ARHGAP15: variants seen among roughly 807,000 people sequenced by gnomAD.
ARHGAP15 encodes the protein Rho GTPase activating protein 15.
Under a neutral mutation model 63.7 loss-of-function variants are expected in ARHGAP15, and 51 were observed. The observed-to-expected ratio is 0.80, with a 90% CI of 0.64 to 1.01. ARHGAP15 has a LOEUF of 1.01. Among genes scored for constraint, ARHGAP15 ranks in the 50% least tolerant of loss-of-function variants. The pLI is 0.00. For synonymous variants in ARHGAP15, 191 were observed against 193.8 expected (o/e 0.99, Z 0.12); for missense variants, 560 against 564.6 (o/e 0.99, Z 0.08).
intron 11 of ARHGAP15, among the ~76,000 whole-genome samples, chr2:143,618,337 C>T (rs1379121197): frequency 6.6e-6 from 1 of 152,190 alleles, no homozygotes; most frequent in Non-Finnish European, 1.5e-5. Flanking sequence ...TGTTTTGGAT[C>T]GATCATCCCT....
At chr2:143,308,394 G>A (rs1683275292) in intron 6 of ARHGAP15, among the ~76,000 whole-genome samples, 1 of 151,784 alleles carries the variant, frequency 6.6e-6, no homozygotes, top group Non-Finnish European at 1.5e-5. Flanking sequence ...GATAATATTA[G>A]GCAAGTGACT....
At chr2:143,265,351 T>G (rs903926664) in intron 6 of ARHGAP15, among the ~76,000 whole-genome samples, 1 of 152,132 alleles carries the variant, frequency 6.6e-6, no homozygotes, top group South Asian at 2.1e-4. Context: ...AGAGCTACAG[T>G]TGGAAAATCT....
At chr2:143,588,400 C>T (rs1697192909) in intron 11 of ARHGAP15, among the ~76,000 whole-genome samples, 1 of 152,034 alleles carries the variant, frequency 6.6e-6, no homozygotes. Flanking sequence ...GAGACATGTG[C>T]AGAACGTGAG....
intron 1 of ARHGAP15, among the ~76,000 whole-genome samples, chr2:143,149,334 T>C (rs1008159535): frequency 1.3e-5 from 2 of 152,002 alleles, no homozygotes; most frequent in African/African-American, 4.8e-5. Context: ...CTAACACTCA[T>C]GAAATGGGAA....
At chr2:143,548,815 C>CT (rs1559044428) in intron 10 of ARHGAP15, among the ~76,000 whole-genome samples, 1 of 136,172 alleles carries the variant, frequency 7.3e-6, no homozygotes, top group East Asian at 2.2e-4. Context: ...GTCTATGAAG[C>CT]AAGCATTTCA....
At chr2:143,673,722 T>TTGTGTGTGTGTG (rs70982878) in intron 12 of ARHGAP15, among the ~76,000 whole-genome samples, 33 of 54,660 alleles carry the variant, frequency 6.0e-4, no homozygotes, top group East Asian at 1.6e-3. Flanking sequence ...AGGCCTTATA[T>TTGTGTGTGTGTG]TGTGTGTGTG....
At chr2:143,455,323 A>T (rs540777068) in intron 8 of ARHGAP15, among the ~76,000 whole-genome samples, 5 of 152,090 alleles carry the variant, frequency 3.3e-5, no homozygotes, top group Non-Finnish European at 7.4e-5. Context: ...AAGGAGCAGT[A>T]AGGACGACCA....
At chr2:143,627,543 T>G (rs1204350235) in intron 12 of ARHGAP15, among the ~76,000 whole-genome samples, 1 of 152,142 alleles carries the variant, frequency 6.6e-6, no homozygotes, top group Non-Finnish European at 1.5e-5. Flanking sequence ...TTTCAAAATT[T>G]TAAGAACATT....
At chr2:143,322,661 A>C (rs190321951) in intron 6 of ARHGAP15, among the ~76,000 whole-genome samples, 139 of 152,348 alleles carry the variant, frequency 9.1e-4, no homozygotes, top group African/African-American at 3.3e-3. Context: ...GGAAAAACCA[A>C]AAGTCAGCAT....
intron 6 of ARHGAP15, among the ~76,000 whole-genome samples, chr2:143,305,648 T>C (rs1683131768): frequency 6.6e-6 from 1 of 152,056 alleles, no homozygotes; most frequent in Non-Finnish European, 1.5e-5. Flanking sequence ...AAAAATTAAA[T>C]ATAATAGTGG....
intron 5 of ARHGAP15, among the ~76,000 whole-genome samples, chr2:143,240,189 C>T (rs923568521): frequency 6.7e-6 from 1 of 149,876 alleles, no homozygotes; most frequent in Non-Finnish European, 1.5e-5. Context: ...AAAAATAAAA[C>T]AAAATAAAAT....
chr2:143,731,277 C>T (rs1283800703), intron 13 of ARHGAP15, among the ~76,000 whole-genome samples: 3 of 152,104 alleles, frequency 2.0e-5, no homozygotes, highest in East Asian at 3.9e-4. Context: ...TATTCTAGGT[C>T]GTTAAATACA....
chr2:143,370,340 G>C (rs1006466265), intron 6 of ARHGAP15, among the ~76,000 whole-genome samples: 2 of 151,406 alleles, frequency 1.3e-5, no homozygotes, highest in Non-Finnish European at 2.9e-5. Flanking sequence ...ACACTCTGGG[G>C]ACTGTTGTGG....
intron 1 of ARHGAP15, among the ~76,000 whole-genome samples, chr2:143,154,782 T>A (rs1388962103): frequency 6.6e-6 from 1 of 151,956 alleles, no homozygotes; most frequent in Non-Finnish European, 1.5e-5. Flanking sequence ...TTTTTCTCAT[T>A]GCTGCTCCTT....
intron 12 of ARHGAP15, among the ~76,000 whole-genome samples, chr2:143,654,960 G>T (rs1464737487): frequency 6.6e-6 from 1 of 152,142 alleles, no homozygotes; most frequent in African/African-American, 2.4e-5. Context: ...GGCTGGGTGT[G>T]GTGGCACACA....
At chr2:143,461,633 T>G (rs976362933) in intron 8 of ARHGAP15, among the ~76,000 whole-genome samples, 1 of 152,116 alleles carries the variant, frequency 6.6e-6, no homozygotes, top group Non-Finnish European at 1.5e-5. Context: ...AACAGCAAAT[T>G]TATCAGGAAA....
intron 10 of ARHGAP15, among the ~76,000 whole-genome samples, chr2:143,539,106 G>A (rs1694918255): frequency 6.6e-6 from 1 of 152,124 alleles, no homozygotes; most frequent in Non-Finnish European, 1.5e-5. Flanking sequence ...GTTTAGTCTT[G>A]GGAGGGTGTA....
intron 4 of ARHGAP15, among the ~76,000 whole-genome samples, chr2:143,222,088 T>A (rs921597361): frequency 6.6e-6 from 1 of 152,232 alleles, no homozygotes; most frequent in Non-Finnish European, 1.5e-5. Context: ...CTGACAGAGA[T>A]GGGTATTTTT....
chr2:143,464,947 GT>G (rs1691130461), intron 8 of ARHGAP15, among the ~76,000 whole-genome samples: 2 of 151,940 alleles, frequency 1.3e-5, no homozygotes, highest in Admixed American at 1.3e-4. Flanking sequence ...ATTATAACAA[GT>G]TTTATTTTTT....
Sources: gnomAD v4.1 joint callset for allele counts (sites outside exome capture counted in the v4.1 genomes callset) on GRCh38, gnomAD v4.1.1 for gene constraint, MANE v1.5 for transcripts, NCBI Gene and HGNC (gene_info 2026-07-23, HGNC 2026-07-21) for gene names.